PARL: variants seen among roughly 807,000 people sequenced by gnomAD.
PARL encodes the protein presenilin-associated rhomboid-like protein, mitochondrial.
Under a neutral mutation model 51.6 loss-of-function variants are expected in PARL, and 44 were observed. The observed-to-expected ratio is 0.85, with a 90% CI of 0.67 to 1.10. The LOEUF is 1.10. Ranked by LOEUF, PARL falls within the 50% of genes least tolerant of loss-of-function variation. The pLI is 0.00. For synonymous variants in PARL, 172 were observed against 164.0 expected, an observed-to-expected ratio of 1.05 and a Z score of -0.37; for missense variants, 441 against 469.5, an observed-to-expected ratio of 0.94 and a Z score of 0.56.
At chr3:183,847,720 C>G (rs1730122652) in intron 4 of PARL, among the ~76,000 whole-genome samples, 2 of 152,112 alleles carry the variant, frequency 1.3e-5, no homozygotes, top group African/African-American at 2.4e-5. Flanking sequence ...AAGTATGTCA[C>G]TTAGCAGTTT....
intron 1 of PARL, among the ~76,000 whole-genome samples, chr3:183,871,753 T>G (rs1227621306): frequency 1.3e-5 from 2 of 152,162 alleles, no homozygotes; most frequent in Non-Finnish European, 2.9e-5. Flanking sequence ...AAGAGGAAAC[T>G]TGCTGGGATG....
rs1209103090 is a variant in PARL, at chr3:183,864,903, CTTTT to C, written c.462+1718_462+1721del. Among the ~76,000 whole-genome samples the C allele has an allele frequency of 3.0e-3, 358 of 121,354 alleles. 1 individual carries two copies. Among genetic ancestry groups the C allele is most frequent in the South Asian group, 6.3e-3 (24 of 3,790 alleles). 79.6% of individuals were successfully genotyped at this position (121,354 alleles called of 152,430 possible). On this transcript the variant is annotated intron_variant, in intron 3 of 9. Transcript: ENST00000317096. ...GAAAAGCTCTAAAAGCTCCATATTTCTTTTTTTTTTTTTTTTTTCCGTATTTCAT... is the reference window on the plus strand; with the variant it reads ...GAAAAGCTCTAAAAGCTCCATATTTCTTTTTTTTTTTTTTCCGTATTTCAT...
chr3:183,862,626 T>C, intron 4 of PARL, 127 bp downstream of exon 4: 1 of 741,548 alleles, frequency 1.3e-6, no homozygotes, highest in South Asian at 1.4e-5. Context: ...CATTAGCCTA[T>C]CAGTACAGAG....
intron 7 of PARL, among the ~76,000 whole-genome samples, chr3:183,838,763 T>C (rs73887533): frequency 0.05 from 7,615 of 152,302 alleles, 658 homozygotes; most frequent in African/African-American, 0.17. Flanking sequence ...ACTGCCATAC[T>C]TCATTAAGTT....
In PARL at chr3:183,829,341, A is replaced by G. The variant is rs1727644843; in HGVS notation, c.*257T>C. On this transcript the variant is annotated 3_prime_UTR_variant, in exon 10 of 10. Coordinates refer to ENST00000317096, the MANE Select transcript of PARL (RefSeq NM_018622.7). ...TCCTGTCAATGCAACAACCAAAGCA[A>G]AATGCCAGAGCCGTGTCGGCCCCTT... 3 of 1,294,984 alleles carry G rather than the reference A, an allele frequency of 2.3e-6. No individual in the cohort carries two copies. The highest frequency in any genetic ancestry group is 3.0e-5 in the African/African-American group (2 of 66,864). 80.2% of individuals were successfully genotyped at this position (1,294,984 alleles called of 1,614,324 possible). A position where few individuals can be genotyped will look rare whatever the true frequency, so the allele number is the denominator to read the frequency against.
At chr3:183,884,386 A>G (rs1163402365) in intron 1 of PARL, among the ~76,000 whole-genome samples, 1 of 152,214 alleles carries the variant, frequency 6.6e-6, no homozygotes, top group Non-Finnish European at 1.5e-5. Flanking sequence ...CCATTCTGCC[A>G]GCTGTACTAA....
chr3:183,872,500 A>G (rs1733328658), intron 1 of PARL, among the ~76,000 whole-genome samples: 1 of 152,228 alleles, frequency 6.6e-6, no homozygotes, highest in South Asian at 2.1e-4. Context: ...AAAGTTATAA[A>G]CTTATGCAAC....
intron 4 of PARL, among the ~76,000 whole-genome samples, chr3:183,852,822 T>C (rs1473246074): frequency 2.0e-5 from 3 of 152,184 alleles, no homozygotes; most frequent in Admixed American, 1.3e-4. Context: ...CAATAACAGA[T>C]GGAATCCTCA....
intron 7 of PARL, among the ~76,000 whole-genome samples, chr3:183,835,788 T>C (rs777174079): frequency 2.3e-4 from 35 of 152,016 alleles, no homozygotes; most frequent in Non-Finnish European, 4.0e-4. Flanking sequence ...TGAGCCAAGA[T>C]TGAGCCACTG....
intron 4 of PARL, among the ~76,000 whole-genome samples, chr3:183,856,846 C>T (rs1277181579): frequency 6.6e-6 from 1 of 152,194 alleles, no homozygotes; most frequent in Non-Finnish European, 1.5e-5. Flanking sequence ...TTTAAGACAA[C>T]TTTGCAATAC....
intron 7 of PARL, among the ~76,000 whole-genome samples, chr3:183,836,217 C>CAAAAA (rs56354792): frequency 1.8e-4 from 15 of 84,256 alleles, no homozygotes; most frequent in South Asian, 1.3e-3. Flanking sequence ...AACTCCATCT[C>CAAAAA]AAAAAAAAAA....
intron 1 of PARL, among the ~76,000 whole-genome samples, chr3:183,878,919 T>C (rs1268781878): frequency 6.6e-6 from 1 of 152,202 alleles, no homozygotes; most frequent in Non-Finnish European, 1.5e-5. Context: ...ATATTTTCTA[T>C]CTGACCTTTT....
chr3:183,844,202 T>G, intron 5 of PARL, 29 bp downstream of exon 5: 1 of 1,381,362 alleles, frequency 7.2e-7, no homozygotes, highest in South Asian at 1.2e-5. Flanking sequence ...ATTTCTACCT[T>G]AAAATAAATT....
At chr3:183,883,767 T>C (rs929570167) in intron 1 of PARL, 4 of 878,924 alleles carry the variant, frequency 4.6e-6, no homozygotes, top group East Asian at 2.4e-4. Flanking sequence ...GTCGGACATA[T>C]AGGTTCTTCC....
chr3:183,830,942 CTT>C (rs1158643909), intron 9 of PARL, among the ~76,000 whole-genome samples: 2 of 152,190 alleles, frequency 1.3e-5, no homozygotes, highest in African/African-American at 4.8e-5. Flanking sequence ...AAAAAAATCA[CTT>C]TGTCAGGAAC....
At chr3:183,851,210 CAT>C (rs1730508787) in intron 4 of PARL, among the ~76,000 whole-genome samples, 1 of 152,140 alleles carries the variant, frequency 6.6e-6, no homozygotes, top group Non-Finnish European at 1.5e-5. Flanking sequence ...TAGAAGAAAA[CAT>C]AGGTACACAT....
chr3:183,864,773 T>C (rs1004063874), intron 3 of PARL, among the ~76,000 whole-genome samples: 10 of 146,730 alleles, frequency 6.8e-5, no homozygotes, highest in African/African-American at 2.5e-4. Context: ...AGACTCTGTC[T>C]CAAAAGAAAA....
chr3:183,882,221 AAAT>A (rs1320041301), intron 1 of PARL, among the ~76,000 whole-genome samples: 2 of 48,296 alleles, frequency 4.1e-5, no homozygotes, highest in African/African-American at 1.3e-4. Context: ...AAAAAAAAAA[AAAT>A]ATATATATAT....
intron 1 of PARL, among the ~76,000 whole-genome samples, chr3:183,878,193 C>T (rs1734061463): frequency 1.3e-5 from 2 of 152,156 alleles, no homozygotes; most frequent in South Asian, 4.1e-4. Context: ...GCTCTTTCAC[C>T]GCCCAGTCCT....
Sources: gnomAD v4.1 joint callset for allele counts (sites outside exome capture counted in the v4.1 genomes callset) on GRCh38, gnomAD v4.1.1 for gene constraint, MANE v1.5 for transcripts, NCBI Gene and HGNC (gene_info 2026-07-23, HGNC 2026-07-21) for gene names.